The following KCNH5 variants were observed in gnomAD, a reference collection of about 807,000 sequenced individuals.
KCNH5 encodes the protein voltage-gated delayed rectifier potassium channel KCNH5.
KCNH5 carries 46 observed loss-of-function variants against 96.1 expected under a neutral mutation model. The observed-to-expected ratio is 0.48, with a 90% CI of 0.38 to 0.61. KCNH5 has a LOEUF of 0.61. KCNH5 is among the 20% of genes least tolerant of loss of function. KCNH5 has a pLI of 0.00. For missense variants in KCNH5, 907 were observed against 1,225.8 expected (o/e 0.74, Z 3.88); for synonymous variants, 439 against 449.8 (o/e 0.98, Z 0.30).
intron 10 of KCNH5, among the ~76,000 whole-genome samples, chr14:62,773,986 G>A (rs571557763): frequency 6.6e-6 from 1 of 152,258 alleles, no homozygotes; most frequent in South Asian, 2.1e-4. Context: ...TATATATGGA[G>A]CACTGGTTAC....
chr14:63,025,988 G>A (rs555023827), intron 1 of KCNH5, among the ~76,000 whole-genome samples: 87 of 148,488 alleles, frequency 5.9e-4, no homozygotes, highest in African/African-American at 2.2e-3. Flanking sequence ...TAGTACAAAA[G>A]CAGCACGGTA....
intron 3 of KCNH5, among the ~76,000 whole-genome samples, chr14:63,001,932 G>A (rs1594668847): frequency 6.6e-6 from 1 of 152,138 alleles, no homozygotes; most frequent in African/African-American, 2.4e-5. Context: ...ATTCCTCTTG[G>A]AGGAACATCT....
At chr14:62,992,821 A>C (rs1890835609) in intron 4 of KCNH5, among the ~76,000 whole-genome samples, 1 of 151,974 alleles carries the variant, frequency 6.6e-6, no homozygotes, top group Admixed American at 6.6e-5. Flanking sequence ...TAGTTTAATT[A>C]AGTTCCATAT....
At chr14:62,889,570 T>C (rs1566696519) in intron 7 of KCNH5, among the ~76,000 whole-genome samples, 1 of 152,200 alleles carries the variant, frequency 6.6e-6, no homozygotes, top group African/African-American at 2.4e-5. Context: ...CCTGGAGTTT[T>C]AGATGCTGGC....
intron 8 of KCNH5, among the ~76,000 whole-genome samples, chr14:62,816,960 T>C (rs1297255080): frequency 2.0e-5 from 3 of 150,768 alleles, no homozygotes; most frequent in East Asian, 2.0e-4. Context: ...GTGTTCATTG[T>C]ATTCTTAAGC....
At chr14:62,898,105 G>T (rs1888852177) in intron 7 of KCNH5, among the ~76,000 whole-genome samples, 1 of 152,004 alleles carries the variant, frequency 6.6e-6, no homozygotes, top group African/African-American at 2.4e-5. Flanking sequence ...CCAGATACTT[G>T]GTCTTAAGTA....
At chr14:62,744,137 C>A (rs1885328386) in intron 10 of KCNH5, among the ~76,000 whole-genome samples, 1 of 152,132 alleles carries the variant, frequency 6.6e-6, no homozygotes, top group Non-Finnish European at 1.5e-5. Flanking sequence ...GCTATCACCT[C>A]ACCTACTTCA....
At chr14:62,815,572 C>CAT (rs1431908046) in intron 8 of KCNH5, among the ~76,000 whole-genome samples, 2 of 151,896 alleles carry the variant, frequency 1.3e-5, no homozygotes, top group African/African-American at 2.4e-5. Context: ...TTTCATTTTA[C>CAT]ATATATATAC....
At chr14:63,034,787 T>C (rs1891691301) in intron 1 of KCNH5, among the ~76,000 whole-genome samples, 1 of 152,210 alleles carries the variant, frequency 6.6e-6, no homozygotes, top group African/African-American at 2.4e-5. Flanking sequence ...TGAGATACTT[T>C]AACATATATT....
chr14:62,983,255 T>C (rs566493822), intron 5 of KCNH5, among the ~76,000 whole-genome samples: 14 of 151,962 alleles, frequency 9.2e-5, no homozygotes, highest in Non-Finnish European at 2.9e-5. Context: ...GTGCCTGCAG[T>C]CCCAGCTTCT....
At chr14:62,793,038 T>A (rs1245828363) in intron 9 of KCNH5, among the ~76,000 whole-genome samples, 1 of 151,642 alleles carries the variant, frequency 6.6e-6, no homozygotes, top group Non-Finnish European at 1.5e-5. Flanking sequence ...ACAAAATAAG[T>A]CAGTTGCAGA....
chr14:63,021,731 G>C (rs79048243), intron 1 of KCNH5, among the ~76,000 whole-genome samples: 1 of 150,084 alleles, frequency 6.7e-6, no homozygotes, highest in Admixed American at 6.7e-5. Context: ...TCTCCCTATC[G>C]CCAAGCCCAC....
chr14:62,908,383 G>A (rs532432370), intron 7 of KCNH5, among the ~76,000 whole-genome samples: 4 of 152,208 alleles, frequency 2.6e-5, no homozygotes, highest in East Asian at 1.9e-4. Flanking sequence ...CTGTTCACCC[G>A]CCTACTCAGT....
intron 10 of KCNH5, among the ~76,000 whole-genome samples, chr14:62,777,609 A>G (rs1566657247): frequency 6.6e-6 from 1 of 152,202 alleles, no homozygotes. Context: ...GAGACAATGC[A>G]TCAAGAGCAG....
chr14:62,701,514 A>T lies in KCNH5; in HGVS notation c.*5994T>A, dbSNP rs1223159769. ...TTAAATAATCATGCAGTGGTAATGTAAAAGCCAGGATGGAAGTGAGCTGAC... is the reference window on the plus strand; with the variant it reads ...TTAAATAATCATGCAGTGGTAATGTTAAAGCCAGGATGGAAGTGAGCTGAC... On this transcript the variant is annotated 3_prime_UTR_variant, in exon 11 of 11. Coordinates refer to ENST00000322893, the MANE Select transcript of KCNH5 (RefSeq NM_139318.5). 6.6e-6 allele frequency: 1 copy of T among 152,144 alleles called. No homozygotes were observed. The highest frequency in any genetic ancestry group is 1.5e-5 in the Non-Finnish European group (1 of 67,984). 9.4% of individuals were successfully genotyped at this position (152,144 alleles called of 1,614,324 possible). A position where few individuals can be genotyped will look rare whatever the true frequency, so the allele number is the denominator to read the frequency against.
intron 7 of KCNH5, among the ~76,000 whole-genome samples, chr14:62,869,655 A>AT (rs1888211552): frequency 6.6e-6 from 1 of 151,918 alleles, no homozygotes; most frequent in Non-Finnish European, 1.5e-5. Context: ...GGTTTTTATT[A>AT]TTTTAGGTCT....
chr14:63,043,194 T>C (rs1891858823), intron 1 of KCNH5, among the ~76,000 whole-genome samples: 1 of 152,158 alleles, frequency 6.6e-6, no homozygotes, highest in Non-Finnish European at 1.5e-5. Flanking sequence ...TATCTCATAG[T>C]TTCATAGTCT....
intron 7 of KCNH5, among the ~76,000 whole-genome samples, chr14:62,890,615 C>T (rs936652932): frequency 3.4e-5 from 5 of 147,288 alleles, no homozygotes; most frequent in Admixed American, 7.0e-5. Context: ...AGGAGAATGG[C>T]GTGAACCCGG....
At chr14:62,924,922 T>C (rs1889445173) in intron 7 of KCNH5, among the ~76,000 whole-genome samples, 1 of 151,986 alleles carries the variant, frequency 6.6e-6, no homozygotes, top group South Asian at 2.1e-4. Context: ...TAGTGTATAC[T>C]TGAAATTTGC....
Sources: gnomAD v4.1 joint callset for allele counts (sites outside exome capture counted in the v4.1 genomes callset) on GRCh38, gnomAD v4.1.1 for gene constraint, MANE v1.5 for transcripts, NCBI Gene and HGNC (gene_info 2026-07-23, HGNC 2026-07-21) for gene names.